Variants in GFRA2 observed in about 807,000 individuals in gnomAD.
GFRA2 encodes the protein GDNF family receptor alpha-2.
GFRA2 carries 17 observed loss-of-function variants against 48.3 expected under a neutral mutation model. That is an observed-to-expected ratio of 0.35 (90% CI 0.24 to 0.53). The LOEUF (loss-of-function observed/expected upper bound fraction) is 0.53. GFRA2 is among the 20% of genes least tolerant of loss of function. GFRA2 has a pLI of 0.93. For synonymous variants in GFRA2, 305 were observed against 257.2 expected, an observed-to-expected ratio of 1.19 and a Z score of -1.78; for missense variants, 660 against 637.3, an observed-to-expected ratio of 1.04 and a Z score of -0.38.
chr8:21,732,466 G>A (rs528126065), intron 4 of GFRA2, among the ~76,000 whole-genome samples: 2 of 152,306 alleles, frequency 1.3e-5, no homozygotes, highest in Admixed American at 6.5e-5. Context: ...GGGGAGGGGG[G>A]TATCTCTCTG....
intron 4 of GFRA2, among the ~76,000 whole-genome samples, chr8:21,725,181 T>C (rs1190482103): frequency 6.6e-6 from 1 of 152,198 alleles, no homozygotes; most frequent in Non-Finnish European, 1.5e-5. Flanking sequence ...CCAAAACTAA[T>C]ACCAGTTCAT....
At chr8:21,715,646 G>A (rs78156426) in intron 4 of GFRA2, among the ~76,000 whole-genome samples, 2,111 of 151,818 alleles carry the variant, frequency 0.014, 27 homozygotes, top group African/African-American at 0.042. Context: ...GGGAAGCCAC[G>A]GCACCCCTTT....
Position 21,782,553 on chromosome 8 carries a change from C to T in GFRA2, c.355+32G>A, listed in dbSNP as rs1354455989. 7.3e-6 allele frequency: 11 copies of T among 1,509,960 alleles called. No homozygotes were observed. In the African/African-American group the frequency reaches 8.3e-5, roughly 11 times the overall value. The allele number at this position is 1,509,960 out of a possible 1,614,324, so 93.5% of individuals were successfully genotyped here. The stretch of plus-strand genomic sequence containing the variant: ...CGTCCTCTCTGCCTGCGCCACACCC[C>T]CTCCCCTTGGGCAAGCCCCGCCCAG... On this transcript the variant is annotated intron_variant, in intron 2 of 8. Coordinates refer to ENST00000524240, the MANE Select transcript of GFRA2 (RefSeq NM_001495.5).
Position 21,782,910 on chromosome 8 carries a change from G to A in GFRA2, c.41-11C>T. On this transcript the variant is annotated splice_polypyrimidine_tract_variant and intron_variant, in intron 1 of 8. Transcript: ENST00000524240. The stretch of plus-strand genomic sequence containing the variant: ...AGCGGAGGGTCTCGTCTGGGTGGTG[G>A]GGAGGGAAGACAAGCATGAATGACG... The A allele has an allele frequency of 1.9e-6, 3 of 1,544,430 alleles. No homozygotes were observed. Among genetic ancestry groups the A allele is most frequent in the Non-Finnish European group, 8.7e-7 (1 of 1,151,366 alleles).
intron 8 of GFRA2, among the ~76,000 whole-genome samples, chr8:21,693,735 A>G (rs564915124): frequency 1.5e-3 from 8 of 5,242 alleles, no homozygotes; most frequent in Admixed American, 0.015. Context: ...GATGGTATAA[A>G]GAGCTGAAGA....
At chr8:21,706,271 A>C (rs1275014664) in intron 4 of GFRA2, 1 of 650,840 alleles carries the variant, frequency 1.5e-6, no homozygotes, top group Non-Finnish European at 2.8e-6. Context: ...GCGGCTTAAG[A>C]AAAACCCAGT....
chr8:21,770,774 C>T (rs1806400104), intron 3 of GFRA2, among the ~76,000 whole-genome samples: 1 of 152,194 alleles, frequency 6.6e-6, no homozygotes, highest in Admixed American at 6.5e-5. Context: ...GCCCAGTCCT[C>T]TTCATCACCA....
intron 2 of GFRA2, among the ~76,000 whole-genome samples, chr8:21,780,204 A>T (rs1272376715): frequency 1.3e-5 from 2 of 151,722 alleles, no homozygotes; most frequent in Non-Finnish European, 2.9e-5. Flanking sequence ...CTCCAGCAGG[A>T]GGGCCCGGGG....
At chr8:21,743,702 G>A (rs893795514) in intron 4 of GFRA2, among the ~76,000 whole-genome samples, 7 of 152,190 alleles carry the variant, frequency 4.6e-5, no homozygotes, top group Admixed American at 1.3e-4. Flanking sequence ...GCCCCAGGGA[G>A]GACTGGCTGG....
intron 4 of GFRA2, among the ~76,000 whole-genome samples, chr8:21,729,643 A>T (rs1243313010): frequency 1.3e-5 from 2 of 152,154 alleles, no homozygotes; most frequent in Admixed American, 6.5e-5. Context: ...ACACACAGAC[A>T]AGCTCGCAGG....
intron 3 of GFRA2, among the ~76,000 whole-genome samples, chr8:21,761,154 C>CTCATGCTGGATGTGCATCACCTCCACACT (rs2117645983): frequency 6.6e-6 from 1 of 152,266 alleles, no homozygotes; most frequent in Admixed American, 6.5e-5. Context: ...ATCTCCACAC[C>CTCATGCTGGATGTGCATCACCTCCACACT]TCATGCTGGA....
chr8:21,757,506 CT>C (rs5889999), intron 3 of GFRA2, among the ~76,000 whole-genome samples: 1 of 145,736 alleles, frequency 6.9e-6, no homozygotes, highest in African/African-American at 2.6e-5. Context: ...TTCCTTAATC[CT>C]TTTTTTTGAA....
intron 7 of GFRA2, among the ~76,000 whole-genome samples, chr8:21,696,070 G>GTCCCCTCCCCCCTCTC: frequency 1.1e-5 from 1 of 94,552 alleles, no homozygotes; most frequent in Non-Finnish European, 2.1e-5. Flanking sequence ...CATCTCCTGT[G>GTCCCCTCCCCCCTCTC]TCCCCTCCCC....
chr8:21,755,667 T>A (rs1805533054), intron 3 of GFRA2, among the ~76,000 whole-genome samples: 2 of 151,764 alleles, frequency 1.3e-5, no homozygotes, highest in South Asian at 4.1e-4. Flanking sequence ...CTGGAAGCAG[T>A]GACATCACTG....
intron 4 of GFRA2, chr8:21,706,404 C>T (rs967845797): frequency 4.2e-6 from 2 of 470,876 alleles, no homozygotes; most frequent in African/African-American, 3.9e-5. Flanking sequence ...GCTGGGTCCA[C>T]CTTCTGAGAG....
intron 4 of GFRA2, among the ~76,000 whole-genome samples, chr8:21,741,886 C>T (rs922755408): frequency 2.0e-5 from 3 of 149,028 alleles, no homozygotes; most frequent in African/African-American, 5.0e-5. Flanking sequence ...CATGCCACTG[C>T]ACCCAGCCTG....
intron 1 of GFRA2, 56 bp downstream of exon 1, chr8:21,788,064 C>G: frequency 9.9e-7 from 1 of 1,005,820 alleles, no homozygotes; most frequent in Non-Finnish European, 1.5e-6. Flanking sequence ...TCCGCTCGCC[C>G]CCCGCCTCCC....
rs988411970 is a variant in GFRA2, at chr8:21,690,509, AG to A, written c.*2768del. On this transcript the variant is annotated 3_prime_UTR_variant, in exon 9 of 9. Transcript: ENST00000524240. Reference sequence around the variant, plus strand: ...AATGAATACCTAATGGTAAAATTTCAGCCATGTGATACTTGGATAGGGAGAC... The same window carrying A: ...AATGAATACCTAATGGTAAAATTTCACCATGTGATACTTGGATAGGGAGAC... The A allele has an allele frequency of 4.6e-5, 7 of 152,258 alleles. No homozygotes were observed. The highest frequency in any genetic ancestry group is 1.2e-4 in the African/African-American group (5 of 41,476). The allele number at this position is 152,258 out of a possible 1,614,324, so 9.4% of individuals were successfully genotyped here.
chr8:21,734,780 G>A (rs1485084334), intron 4 of GFRA2, among the ~76,000 whole-genome samples: 1 of 152,228 alleles, frequency 6.6e-6, no homozygotes, highest in Non-Finnish European at 1.5e-5. Flanking sequence ...TCGTCTATCA[G>A]ATGAAATTCT....
Sources: gnomAD v4.1 joint callset for allele counts (sites outside exome capture counted in the v4.1 genomes callset) on GRCh38, gnomAD v4.1.1 for gene constraint, MANE v1.5 for transcripts, NCBI Gene and HGNC (gene_info 2026-07-23, HGNC 2026-07-21) for gene names.